The following RYR2 variants were observed in gnomAD, a reference collection of about 807,000 sequenced individuals.
The protein encoded by RYR2 is cardiac muscle ryanodine receptor-calcium release channel.
RYR2 carries 227 observed loss-of-function variants against 601.1 expected under a neutral mutation model. The observed-to-expected ratio is 0.38, with a 90% CI of 0.34 to 0.42. RYR2 has a LOEUF of 0.42. Among genes scored for constraint, RYR2 ranks in the 10% least tolerant of loss-of-function variants. The pLI is 1.00. For missense variants in RYR2, 4,646 were observed against 6,156.5 expected, an observed-to-expected ratio of 0.75 and a Z score of 8.21; for synonymous variants, 2,223 against 2,175.1, an observed-to-expected ratio of 1.02 and a Z score of -0.61.
At chr1:237,123,754 G>C (rs540483145) in intron 1 of RYR2, among the ~76,000 whole-genome samples, 1 of 135,788 alleles carries the variant, frequency 7.4e-6, no homozygotes, top group South Asian at 2.4e-4. Context: ...TGCAAGCTCC[G>C]CTTCCCGGGT....
chr1:237,721,987 G>T (rs1228716459), intron 73 of RYR2, among the ~76,000 whole-genome samples: 2 of 152,106 alleles, frequency 1.3e-5, no homozygotes, highest in Admixed American at 6.5e-5. Context: ...TGATGCTATT[G>T]AAAAGTAAAA....
At chr1:237,331,989 G>C (rs1269895902) in intron 3 of RYR2, among the ~76,000 whole-genome samples, 1 of 152,032 alleles carries the variant, frequency 6.6e-6, no homozygotes, top group Non-Finnish European at 1.5e-5. Flanking sequence ...TTGTTTCCAG[G>C]TTTTTTAATT....
At chr1:237,131,219 T>A (rs1439965786) in intron 1 of RYR2, among the ~76,000 whole-genome samples, 1 of 152,100 alleles carries the variant, frequency 6.6e-6, no homozygotes, top group Non-Finnish European at 1.5e-5. Flanking sequence ...TGAAGGCAAC[T>A]TCCTGTAGTT....
chr1:237,316,919 G>A (rs1695169430), intron 2 of RYR2, among the ~76,000 whole-genome samples: 1 of 152,132 alleles, frequency 6.6e-6, no homozygotes, highest in Non-Finnish European at 1.5e-5. Context: ...CACTGTGCCA[G>A]AGAGAAACTG....
chr1:237,687,553 T>C, intron 63 of RYR2, 49 bp downstream of exon 63: 2 of 1,361,854 alleles, frequency 1.5e-6, no homozygotes, highest in Admixed American at 1.8e-5. Flanking sequence ...CTTGGTTTTC[T>C]TTGCCATTTT....
intron 25 of RYR2, among the ~76,000 whole-genome samples, chr1:237,541,588 C>G (rs1004298319): frequency 2.0e-5 from 3 of 152,008 alleles, no homozygotes; most frequent in African/African-American, 7.3e-5. Flanking sequence ...CATGCGCGTC[C>G]GTGTGAAGAG....
intron 1 of RYR2, among the ~76,000 whole-genome samples, chr1:237,209,038 T>C (rs1682238974): frequency 7.4e-6 from 1 of 135,288 alleles, no homozygotes; most frequent in Non-Finnish European, 1.6e-5. Flanking sequence ...TTAAAAAGTT[T>C]AATATTAATA....
intron 1 of RYR2, among the ~76,000 whole-genome samples, chr1:237,188,976 A>G (rs1461234657): frequency 6.6e-6 from 1 of 152,204 alleles, no homozygotes; most frequent in East Asian, 1.9e-4. Flanking sequence ...TTGCTATGCA[A>G]TCAATCTCCA....
intron 74 of RYR2, among the ~76,000 whole-genome samples, chr1:237,724,528 C>T (rs866878771): frequency 2.6e-5 from 4 of 151,834 alleles, no homozygotes; most frequent in Middle Eastern, 6.8e-3. Context: ...TACCCTTAAG[C>T]TGTATGGCTA....
At chr1:237,199,699 A>C (rs1197507049) in intron 1 of RYR2, among the ~76,000 whole-genome samples, 3 of 152,178 alleles carry the variant, frequency 2.0e-5, no homozygotes, top group Admixed American at 6.5e-5. Flanking sequence ...CTCAATACTA[A>C]CCATCACACA....
intron 8 of RYR2, among the ~76,000 whole-genome samples, chr1:237,381,252 A>AG (rs1701493157): frequency 2.6e-5 from 2 of 76,224 alleles, no homozygotes; most frequent in South Asian, 7.0e-4. Flanking sequence ...ACTCCGTCTC[A>AG]AAAAAAAAAA....
intron 23 of RYR2, among the ~76,000 whole-genome samples, chr1:237,508,734 C>CTTTTTTTTTTTTTT (rs869044432): frequency 1.3e-5 from 1 of 77,642 alleles, no homozygotes; most frequent in Non-Finnish European, 2.5e-5. Context: ...TTCGGGTTTT[C>CTTTTTTTTTTTTTT]TTTTTTTTTT....
chr1:237,218,829 T>C (rs1270029121), intron 1 of RYR2, among the ~76,000 whole-genome samples: 1 of 152,068 alleles, frequency 6.6e-6, no homozygotes, highest in Non-Finnish European at 1.5e-5. Context: ...CAGAGAGACC[T>C]TAGCCTGGAT....
At chr1:237,683,360 C>T (rs959040552) in intron 62 of RYR2, among the ~76,000 whole-genome samples, 4 of 152,094 alleles carry the variant, frequency 2.6e-5, no homozygotes, top group East Asian at 1.9e-4. Context: ...TCAGTACTGT[C>T]GTGTCTGGAG....
At chr1:237,198,244 A>G (rs947876003) in intron 1 of RYR2, among the ~76,000 whole-genome samples, 3 of 152,206 alleles carry the variant, frequency 2.0e-5, no homozygotes, top group Non-Finnish European at 2.9e-5. Context: ...TGATAAATAC[A>G]GTTTTATTAC....
At chr1:237,373,091 A>G (rs1572028856) in intron 6 of RYR2, among the ~76,000 whole-genome samples, 1 of 152,234 alleles carries the variant, frequency 6.6e-6, no homozygotes, top group South Asian at 2.1e-4. Flanking sequence ...TTGTCTGGGA[A>G]GTCTGATTAT....
At chr1:237,158,857 T>A (rs1449410812) in intron 1 of RYR2, among the ~76,000 whole-genome samples, 1 of 152,126 alleles carries the variant, frequency 6.6e-6, no homozygotes, top group Admixed American at 6.5e-5. Flanking sequence ...CTCTAATGTG[T>A]TTATGCAAAA....
At chr1:237,250,921 A>G (rs373725671) in intron 1 of RYR2, among the ~76,000 whole-genome samples, 2 of 152,246 alleles carry the variant, frequency 1.3e-5, no homozygotes, top group East Asian at 3.9e-4. Context: ...ACAAATTCAG[A>G]TTATGTTAGC....
At chr1:237,224,750 C>G (rs1226295035) in intron 1 of RYR2, among the ~76,000 whole-genome samples, 2 of 152,082 alleles carry the variant, frequency 1.3e-5, no homozygotes, top group Non-Finnish European at 2.9e-5. Context: ...GTCCTAGCTA[C>G]TAGAGGGGCT....
Sources: allele counts gnomAD v4.1 joint callset (sites outside exome capture counted in the v4.1 genomes callset), GRCh38; gene constraint gnomAD v4.1.1; transcripts MANE v1.5; gene names NCBI Gene and HGNC (gene_info 2026-07-23, HGNC 2026-07-21).